CELF2: variants seen among roughly 807,000 people sequenced by gnomAD.
The protein encoded by CELF2 is CUG triplet repeat RNA-binding protein 2.
A neutral mutation model predicts 62.6 loss-of-function variants in CELF2; 8 were observed. The ratio of observed to expected loss-of-function variants is 0.13; its 90% CI spans 0.07 to 0.23. The LOEUF (loss-of-function observed/expected upper bound fraction) is 0.23, where lower values mean the gene tolerates loss of function less well. Ranked by LOEUF, CELF2 falls within the 10% of genes least tolerant of loss-of-function variation. The probability of loss-of-function intolerance (pLI) is 1.00; values close to 1 mark genes in which losing one functional copy is unlikely to be tolerated. For synonymous variants in CELF2, 258 were observed against 250.0 expected, an observed-to-expected ratio of 1.03 and a Z score of -0.30; for missense variants, 333 against 671.0, an observed-to-expected ratio of 0.50 and a Z score of 5.56.
the CELF2 span, among the ~76,000 whole-genome samples, chr10:10,510,634 T>G: frequency 0.49 from 74,957 of 152,018 alleles, 19,465 homozygotes; most frequent in African/African-American, 0.65. Context: ...AAACAAAATG[T>G]GTAATGCCCC....
chr10:10,658,909 C>A, the CELF2 span, among the ~76,000 whole-genome samples: 1 of 152,204 alleles, frequency 6.6e-6, no homozygotes, highest in East Asian at 1.9e-4. Context: ...ACAGAAACTA[C>A]AAGTGCAATG....
intron 2 of CELF2, among the ~76,000 whole-genome samples, chr10:10,973,439 A>G (rs1335807083): frequency 5.3e-5 from 8 of 151,926 alleles, no homozygotes; most frequent in Admixed American, 5.2e-4. Context: ...AGAGTGTTAT[A>G]CCCCTCACGC....
At chr10:10,898,793 C>T (rs1467593011) in intron 1 of CELF2, among the ~76,000 whole-genome samples, 1 of 151,964 alleles carries the variant, frequency 6.6e-6, no homozygotes, top group Non-Finnish European at 1.5e-5. Flanking sequence ...AGCATCATAC[C>T]CAACAACAGA....
the CELF2 span, among the ~76,000 whole-genome samples, chr10:10,644,902 T>A: frequency 2.6e-5 from 4 of 152,060 alleles, no homozygotes; most frequent in South Asian, 2.1e-4. Flanking sequence ...CTTTTTCACA[T>A]CATATTGAAA....
At chr10:10,540,509 T>G in the CELF2 span, among the ~76,000 whole-genome samples, 1 of 152,204 alleles carries the variant, frequency 6.6e-6, no homozygotes, top group Non-Finnish European at 1.5e-5. Context: ...GCTTTTTTAA[T>G]TTTTAAGCTC....
intron 7 of CELF2, among the ~76,000 whole-genome samples, chr10:11,273,048 C>A (rs1345798214): frequency 6.6e-6 from 1 of 152,188 alleles, no homozygotes; most frequent in Non-Finnish European, 1.5e-5. Context: ...CCCTCTTCCC[C>A]GCTCTCTTCC....
intron 1 of CELF2, among the ~76,000 whole-genome samples, chr10:10,909,574 G>C (rs1382630814): frequency 6.6e-6 from 1 of 152,182 alleles, no homozygotes; most frequent in Non-Finnish European, 1.5e-5. Context: ...CGTGGCTTTT[G>C]TGTTTTCATT....
At chr10:11,301,765 CT>C (rs1366195214) in intron 9 of CELF2, among the ~76,000 whole-genome samples, 1 of 151,772 alleles carries the variant, frequency 6.6e-6, no homozygotes, top group Non-Finnish European at 1.5e-5. Context: ...GAAGCTCTTC[CT>C]ATTTTCTCTG....
At chr10:11,225,682 C>T (rs577940896) in intron 3 of CELF2, among the ~76,000 whole-genome samples, 15 of 152,202 alleles carry the variant, frequency 9.9e-5, no homozygotes, top group African/African-American at 2.6e-4. Context: ...TGGACTCGAA[C>T]GAGTCAGTTT....
In CELF2 at chr10:11,018,014, C is replaced by A. The variant is rs2057547657; in HGVS notation, c.-76C>A. The A allele has an allele frequency of 2.8e-6, 3 of 1,060,702 alleles. No homozygotes were observed. Among genetic ancestry groups the A allele is most frequent in the African/African-American group, 1.7e-5 (1 of 58,000 alleles). 65.7% of individuals were successfully genotyped at this position (1,060,702 alleles called of 1,614,324 possible). ...GAGGCCGCGCGCACCTGTCCCTGCC[C>A]GTCTCGCGCCGCCCGCGGCCGCTCG... On this transcript the variant is annotated 5_prime_UTR_variant, in exon 1 of 13. Transcript: ENST00000633077.
intron 2 of CELF2, among the ~76,000 whole-genome samples, chr10:10,975,239 T>C (rs927740603): frequency 2.6e-5 from 4 of 152,164 alleles, no homozygotes; most frequent in African/African-American, 9.7e-5. Flanking sequence ...TGCCACAGCC[T>C]CTGGAGTAGC....
chr10:10,632,962 A>G, the CELF2 span, among the ~76,000 whole-genome samples: 1 of 152,222 alleles, frequency 6.6e-6, no homozygotes, highest in African/African-American at 2.4e-5. Flanking sequence ...CTCACTTCAT[A>G]TCAGTAAATA....
chr10:10,940,447 T>G (rs10752213), intron 2 of CELF2, among the ~76,000 whole-genome samples: 52,827 of 151,970 alleles, frequency 0.35, 10,077 homozygotes, highest in East Asian at 0.73. Context: ...GAGGAGTGCA[T>G]TTTTGAGGTA....
chr10:10,465,526 A>C, the CELF2 span, among the ~76,000 whole-genome samples: 1 of 152,028 alleles, frequency 6.6e-6, no homozygotes, highest in Non-Finnish European at 1.5e-5. Flanking sequence ...AAAAATTCTT[A>C]TGGATGTAAG....
chr10:10,735,122 A>G, the CELF2 span, among the ~76,000 whole-genome samples: 33,389 of 152,172 alleles, frequency 0.22, 4,222 homozygotes, highest in African/African-American at 0.35. Context: ...TAACTATAAA[A>G]TGTCTTGAAC....
rs1373283373 is a variant in CELF2, at chr10:11,211,813, A to AGAGTGT, written c.272-5611_272-5610insAGTGTG. On this transcript the variant is annotated intron_variant, in intron 2 of 12. Transcript: ENST00000633077. The surrounding 1 kb of genome is among the most constrained non-coding windows in gnomAD (Gnocchi z 4.8). ...GTGTGAGAGAGAGAGAGAGAGAGAGAGTGTGTGTGTGTGTGTGTGTGTGTG... is the reference window on the plus strand; with the variant it reads ...GTGTGAGAGAGAGAGAGAGAGAGAGAGAGTGTGTGTGTGTGTGTGTGTGTGTGTGTG... Among the ~76,000 whole-genome samples the AGAGTGT allele has an allele frequency of 9.8e-4, 88 of 89,356 alleles. No homozygotes were observed. The highest frequency in any genetic ancestry group is 1.7e-3 in the African/African-American group (37 of 21,214). 58.6% of individuals were successfully genotyped at this position (89,356 alleles called of 152,430 possible).
the CELF2 span, among the ~76,000 whole-genome samples, chr10:10,730,494 A>C: frequency 2.0e-5 from 3 of 152,170 alleles, no homozygotes; most frequent in African/African-American, 7.2e-5. Flanking sequence ...AAAAATAAAA[A>C]AAAAGTAGGT....
In CELF2 at chr10:10,943,906, G is replaced by A. The variant is rs79103099; in HGVS notation, c.89+23907G>A. Reference sequence around the variant, plus strand: ...CATGAGCCACCACACTCAGCCCCAAGATTGCTCTTTAATATGACTCTGAAA... The same window carrying A: ...CATGAGCCACCACACTCAGCCCCAAAATTGCTCTTTAATATGACTCTGAAA... On this transcript the variant is annotated intron_variant, in intron 2 of 13. Transcript: ENST00000636488. 3.4e-3 allele frequency among the ~76,000 whole-genome samples: 512 copies of A among 152,088 alleles called. 2 individuals are homozygous for A. The highest frequency in any genetic ancestry group is 0.012 in the African/African-American group (489 of 41,522).
chr10:10,788,608 G>A, the CELF2 span, among the ~76,000 whole-genome samples: 9 of 151,872 alleles, frequency 5.9e-5, no homozygotes, highest in East Asian at 3.9e-4. Context: ...GATCACAGGC[G>A]TGTGCCACCA....
Sources: allele counts gnomAD v4.1 joint callset (sites outside exome capture counted in the v4.1 genomes callset), GRCh38; gene constraint gnomAD v4.1.1; non-coding constraint Gnocchi (gnomAD v3.1); transcripts MANE v1.5; gene names NCBI Gene and HGNC (gene_info 2026-07-23, HGNC 2026-07-21).